TP53BP1: variants seen among roughly 807,000 people sequenced by gnomAD.
The protein encoded by TP53BP1 is TP53-binding protein 1.
A neutral mutation model predicts 200.8 loss-of-function variants in TP53BP1; 61 were observed. The ratio of observed to expected loss-of-function variants is 0.30; its 90% CI spans 0.25 to 0.38. The LOEUF is 0.38. Ranked by LOEUF, TP53BP1 falls within the 10% of genes least tolerant of loss-of-function variation. The pLI, the probability that TP53BP1 is intolerant of heterozygous loss-of-function variation, is 1.00. For missense variants in TP53BP1, 2,144 were observed against 2,371.9 expected (o/e 0.90, Z 2.00); for synonymous variants, 822 against 844.3 (o/e 0.97, Z 0.46).
upstream of TP53BP1, among the ~76,000 whole-genome samples, chr15:43,494,517 G>GT (rs768254847): frequency 2.0e-5 from 3 of 152,212 alleles, no homozygotes; most frequent in Non-Finnish European, 4.4e-5. Context: ...TCGCCAGTAT[G>GT]TTTTATTAGT....
chr15:43,443,229 A>T (rs576588484), intron 14 of TP53BP1, among the ~76,000 whole-genome samples: 15 of 152,268 alleles, frequency 9.9e-5, no homozygotes, highest in South Asian at 8.3e-4. Flanking sequence ...TAAAAACCAA[A>T]AACTTTTTAA....
chr15:43,406,338 T>C lies in TP53BP1; in HGVS notation c.*1045A>G. 6.6e-6 allele frequency: 2 copies of C among 303,846 alleles called. No individual in the cohort carries two copies. The highest frequency in any genetic ancestry group is 1.2e-3 in the Middle Eastern group (1 of 842). 18.8% of individuals were successfully genotyped at this position (303,846 alleles called of 1,614,324 possible). A position where few individuals can be genotyped will look rare whatever the true frequency, so the allele number is the denominator to read the frequency against. ...TGCATCTGGTTTTCATCACTACATA[T>C]TCTACACACACTGGGAAGCTCTGAC... On this transcript the variant is annotated 3_prime_UTR_variant, in exon 28 of 28. Coordinates refer to ENST00000382044, the MANE Select transcript of TP53BP1 (RefSeq NM_001141980.3).
chr15:43,416,120 G>A lies in TP53BP1; in HGVS notation c.4873+105C>T, dbSNP rs1479716879. The A allele has an allele frequency of 4.6e-6, 5 of 1,084,780 alleles. No individual in the cohort carries two copies. The Admixed American group carries it at 7.2e-5, about 16-fold the overall frequency. The allele number at this position is 1,084,780 out of a possible 1,614,324, so 67.2% of individuals were successfully genotyped here. A position where few individuals can be genotyped will look rare whatever the true frequency, so the allele number is the denominator to read the frequency against. On this transcript the variant is annotated intron_variant, in intron 22 of 27. Transcript: ENST00000382044. Reference sequence around the variant, plus strand: ...TCCACCATCTGAGAAGCCACACATAGGAATAATAAAAGTTAGGGAAACATT... The same window carrying A: ...TCCACCATCTGAGAAGCCACACATAAGAATAATAAAAGTTAGGGAAACATT...
chr15:43,480,469 A>T (rs1044195900), intron 5 of TP53BP1, among the ~76,000 whole-genome samples: 63 of 152,148 alleles, frequency 4.1e-4, no homozygotes, highest in Non-Finnish European at 6.2e-4. Context: ...AAATAAATTT[A>T]AAAAAAATAA....
chr15:43,436,172 G>A (rs1008142281), intron 16 of TP53BP1, among the ~76,000 whole-genome samples: 4 of 151,784 alleles, frequency 2.6e-5, no homozygotes, highest in African/African-American at 9.7e-5. Flanking sequence ...TGTACTTTTT[G>A]TAGAGACGAA....
chr15:43,440,416 G>A (rs538655519), intron 15 of TP53BP1, among the ~76,000 whole-genome samples: 1 of 152,142 alleles, frequency 6.6e-6, no homozygotes, highest in East Asian at 1.9e-4. Context: ...TTGGGAGGCT[G>A]AGGCAGGAGA....
chr15:43,435,262 C>A, intron 16 of TP53BP1, among the ~76,000 whole-genome samples: 1 of 63,634 alleles, frequency 1.6e-5, no homozygotes, highest in Admixed American at 2.6e-4. Context: ...ACCAAGACCC[C>A]ATCTCAAAAA....
rs1383291293 is a variant in TP53BP1 at position 43,406,863 on chromosome 15, G to T, written c.*520C>A. 2 of 307,500 alleles carry T rather than the reference G, an allele frequency of 6.5e-6. No homozygotes were observed. The highest frequency in any genetic ancestry group is 1.3e-5 in the Non-Finnish European group (2 of 157,344). 19.0% of individuals were successfully genotyped at this position (307,500 alleles called of 1,614,324 possible). A position where few individuals can be genotyped will look rare whatever the true frequency, so the allele number is the denominator to read the frequency against. On this transcript the variant is annotated 3_prime_UTR_variant, in exon 28 of 28. Coordinates refer to ENST00000382044, the MANE Select transcript of TP53BP1 (RefSeq NM_001141980.3). ...TTTCGTTCTCCCTTTAGCTCTAAGA[G>T]TTGGGGAGTACCCACAGGTGAGCTG...
At chr15:43,447,288 A>T in intron 13 of TP53BP1, 78 bp downstream of exon 13, 1 of 1,478,762 alleles carries the variant, frequency 6.8e-7, no homozygotes, top group Non-Finnish European at 9.2e-7. Context: ...CCAACTCCTC[A>T]GATCTAAAAT....
Position 43,406,712 on chromosome 15 carries a change from T to C in TP53BP1, c.*671A>G, listed in dbSNP as rs977803217. The C allele has an allele frequency of 2.3e-6, 1 of 427,858 alleles. No homozygotes were observed. The highest frequency in any genetic ancestry group is 2.1e-5 in the African/African-American group (1 of 48,318). The allele number at this position is 427,858 out of a possible 1,614,324, so 26.5% of individuals were successfully genotyped here. A position where few individuals can be genotyped will look rare whatever the true frequency, so the allele number is the denominator to read the frequency against. On this transcript the variant is annotated 3_prime_UTR_variant, in exon 28 of 28. Coordinates refer to ENST00000382044, the MANE Select transcript of TP53BP1 (RefSeq NM_001141980.3). ...GCTATTGTGACAATAATAATAATAA[T>C]AATATTGGGTCTTTGACTAGAACGT...
Position 43,403,648 on chromosome 15 carries a change from T to G in TP53BP1, c.*3735A>C, listed in dbSNP as rs1383117008. The stretch of plus-strand genomic sequence containing the variant: ...CTTTAACTTCATGGATGTACCTTCC[T>G]TCCTTTCCTAATGCCAACTCTGTTT... On this transcript the variant is annotated 3_prime_UTR_variant, in exon 28 of 28. Transcript: ENST00000382044. The G allele has an allele frequency of 2.0e-6, 3 of 1,483,516 alleles. No individual in the cohort carries two copies. In the African/African-American group the frequency reaches 4.1e-5, roughly 21 times the overall value. The allele number at this position is 1,483,516 out of a possible 1,614,324, so 91.9% of individuals were successfully genotyped here.
rs899913869 is a variant in TP53BP1 at position 43,406,888 on chromosome 15, G to A, written c.*495C>T. The A allele has an allele frequency of 1.0e-4, 28 of 275,226 alleles. No individual in the cohort carries two copies. Among genetic ancestry groups the A allele is most frequent in the African/African-American group, 5.8e-4 (26 of 44,770 alleles). The allele number at this position is 275,226 out of a possible 1,614,324, so 17.0% of individuals were successfully genotyped here. A position where few individuals can be genotyped will look rare whatever the true frequency, so the allele number is the denominator to read the frequency against. ...GTTGGGGAGTACCCACAGGTGAGCT[G>A]TGATCTCAGCTCAGAGAGAGAGCAT... On this transcript the variant is annotated 3_prime_UTR_variant, in exon 28 of 28. Coordinates refer to ENST00000382044, the MANE Select transcript of TP53BP1 (RefSeq NM_001141980.3).
At position 43,432,694 on chromosome 15, in the gene TP53BP1, T is replaced by C. The variant is rs762841199; in HGVS notation, c.3192-17A>G. On this transcript the variant is annotated splice_polypyrimidine_tract_variant and intron_variant, in intron 16 of 27. Transcript: ENST00000382044. The stretch of plus-strand genomic sequence containing the variant: ...AAGTTCCCCCTGAAAATGCAACATA[T>C]AAAGAAGCCATGTCAATTAAGCAAG... The C allele has an allele frequency of 2.5e-6, 4 of 1,587,564 alleles. No homozygotes were observed. Among genetic ancestry groups the C allele is most frequent in the South Asian group, 2.3e-5 (2 of 87,568 alleles).
At chr15:43,460,278 T>C (rs1018786200) in intron 11 of TP53BP1, among the ~76,000 whole-genome samples, 1 of 152,036 alleles carries the variant, frequency 6.6e-6, no homozygotes, top group African/African-American at 2.4e-5. Flanking sequence ...TGTTTTGTTT[T>C]GAGACAAGGT....
intron 1 of TP53BP1, among the ~76,000 whole-genome samples, chr15:43,499,074 A>T (rs1159130629): frequency 6.6e-6 from 1 of 152,104 alleles, no homozygotes; most frequent in Non-Finnish European, 1.5e-5. Flanking sequence ...GTTTCAATGG[A>T]AAGAAGGGAG....
chr15:43,468,601 A>G (rs947376714), intron 11 of TP53BP1, among the ~76,000 whole-genome samples: 2 of 151,874 alleles, frequency 1.3e-5, no homozygotes, highest in African/African-American at 4.8e-5. Flanking sequence ...CATCCATTTC[A>G]CCTCTAGGTA....
At chr15:43,509,160 A>C (rs1185565234) in intron 1 of TP53BP1, among the ~76,000 whole-genome samples, 1 of 113,140 alleles carries the variant, frequency 8.8e-6, no homozygotes, top group African/African-American at 3.5e-5. Context: ...AATCTCTCCA[A>C]GCTCTTTTCC....
chr15:43,420,037 G>A (rs930988773), intron 21 of TP53BP1, among the ~76,000 whole-genome samples: 1 of 152,102 alleles, frequency 6.6e-6, no homozygotes, highest in African/African-American at 2.4e-5. Flanking sequence ...CTGGATGAGG[G>A]GTATACAGGA....
Position 43,422,058 on chromosome 15 carries a change from G to T in TP53BP1, c.3897C>A (p.Gly1299=). The change falls in exon 19 of 28, where the codon GGC becomes GGA. Residue 1299 remains glycine, a synonymous_variant. Transcript: ENST00000382044. The part of the protein sequence containing the change: ...ETEVSPSQTG[G]SSGDLGDISS... ...TGATATCCCCCAGGTCACCTGAGGA[G>T]CCCCCAGTCTGTGAAGGGGAAACTT... The T allele has an allele frequency of 6.2e-7, 1 of 1,614,138 alleles. No individual in the cohort carries two copies. The highest frequency in any genetic ancestry group is 8.5e-7 in the Non-Finnish European group (1 of 1,180,008).
Sources: gnomAD v4.1 joint callset for allele counts (sites outside exome capture counted in the v4.1 genomes callset) on GRCh38, gnomAD v4.1.1 for gene constraint, MANE v1.5 for transcripts, NCBI Gene and HGNC (gene_info 2026-07-23, HGNC 2026-07-21) for gene names.